The following MME variants were observed in gnomAD, a reference collection of about 807,000 sequenced individuals.
The protein encoded by MME is neprilysin.
MME carries 98 observed loss-of-function variants against 113.2 expected under a neutral mutation model. The ratio of observed to expected loss-of-function variants is 0.87; its 90% CI spans 0.74 to 1.02. The LOEUF is 1.02. MME is among the 50% of genes least tolerant of loss of function. MME has a pLI of 0.00. For missense variants in MME, 836 were observed against 896.0 expected, an observed-to-expected ratio of 0.93 and a Z score of 0.86; for synonymous variants, 292 against 300.6, an observed-to-expected ratio of 0.97 and a Z score of 0.30.
chr3:155,042,932 AT>A lies in MME; in HGVS notation c.-11+18609del, dbSNP rs1406603441. 3.0e-4 allele frequency among the ~76,000 whole-genome samples: 19 copies of A among 63,420 alleles called. 1 individual carries two copies. Among genetic ancestry groups the A allele is most frequent in the African/African-American group, 4.5e-4 (5 of 11,028 alleles). The allele number at this position is 63,420 out of a possible 152,430, so 41.6% of individuals were successfully genotyped here. On this transcript the variant is annotated intron_variant, in intron 1 of 22. Transcript: ENST00000492661. ...TATATATATATATATATATATATAT[AT>A]ATATATGTATATATATATATATATA...
rs1718673454 is a variant in MME at position 155,116,952 on chromosome 3, C to A, written c.620C>A (p.Thr207Asn). ...GTCCTTATTAATTTGTTTGTTGGCA[C>A]TGATGATAAGAATTCTGTGAATCAT... is the stretch of plus-strand genomic sequence containing the variant. ...KKVLINLFVGTDDKNSVNHVI... is the reference protein window; with the variant it reads ...KKVLINLFVGNDDKNSVNHVI... Residue 207 changes from threonine (T) to asparagine (N), a missense_variant, in exon 7 of 23, where the codon ACT (threonine) becomes AAT (asparagine). By Grantham distance (65) the Thr-to-Asn change is moderately conservative. Transcript: ENST00000360490. 6.2e-7 allele frequency: 1 copy of A among 1,602,282 alleles called. No homozygotes were observed.
chr3:155,057,416 A>T (rs1462779636), intron 1 of MME, among the ~76,000 whole-genome samples: 1 of 152,178 alleles, frequency 6.6e-6, no homozygotes, highest in East Asian at 1.9e-4. Flanking sequence ...CACACCAGTT[A>T]GAATGGCAAT....
chr3:155,029,892 A>T lies in MME; in HGVS notation c.-11+5568A>T, dbSNP rs1408751484. Among the ~76,000 whole-genome samples the T allele has an allele frequency of 3.3e-5, 5 of 152,334 alleles. No individual in the cohort carries two copies. The East Asian group carries it at 9.6e-4, about 29-fold the overall frequency. ...TTTGATAGTGAAATATCACATACTC[A>T]TGACACATATAAATATATAGACATA... On this transcript the variant is annotated intron_variant, in intron 1 of 22. Transcript: ENST00000492661.
intron 3 of MME, among the ~76,000 whole-genome samples, chr3:155,104,431 A>G (rs1160756721): frequency 6.6e-6 from 1 of 152,240 alleles, no homozygotes; most frequent in African/African-American, 2.4e-5. Context: ...AGTGCTCTCT[A>G]GAAAAGAGCC....
At chr3:155,159,230 TG>T (rs1722535334) in intron 16 of MME, among the ~76,000 whole-genome samples, 1 of 152,046 alleles carries the variant, frequency 6.6e-6, no homozygotes, top group African/African-American at 2.4e-5. Context: ...ACAGCTCACC[TG>T]GCAGAGCAGG....
At chr3:155,167,084 A>AT in intron 18 of MME, 63 bp downstream of exon 18, 1 of 1,562,190 alleles carries the variant, frequency 6.4e-7, no homozygotes. Context: ...ATTAAGAGTT[A>AT]TTATAATTTA....
intron 8 of MME, among the ~76,000 whole-genome samples, chr3:155,121,398 T>C (rs1161206538): frequency 6.6e-6 from 1 of 151,484 alleles, no homozygotes; most frequent in African/African-American, 2.4e-5. Flanking sequence ...CCTAATTGGA[T>C]ACCCTTTATT....
chr3:155,033,357 T>C (rs1437683180), intron 1 of MME, among the ~76,000 whole-genome samples: 1 of 152,178 alleles, frequency 6.6e-6, no homozygotes, highest in Non-Finnish European at 1.5e-5. Flanking sequence ...GAATAGACAA[T>C]ATTGCCCACC....
chr3:155,132,002 A>T (rs1720183134), intron 8 of MME, among the ~76,000 whole-genome samples: 1 of 152,072 alleles, frequency 6.6e-6, no homozygotes, highest in African/African-American at 2.4e-5. Context: ...CAATTCTGTG[A>T]CTCCTCAGTC....
intron 8 of MME, among the ~76,000 whole-genome samples, chr3:155,130,585 G>A (rs1042569257): frequency 1.3e-5 from 2 of 152,152 alleles, no homozygotes; most frequent in African/African-American, 4.8e-5. Context: ...ACTGAAGCCA[G>A]AAAGCGATGA....
chr3:155,030,517 A>C (rs1300535454), intron 1 of MME, among the ~76,000 whole-genome samples: 1 of 151,758 alleles, frequency 6.6e-6, no homozygotes, highest in Admixed American at 6.6e-5. Flanking sequence ...ATAGCTCCGA[A>C]AAGAAACAAG....
At chr3:155,133,662 C>CTATATATGTATGGTATATA (rs1266037292) in intron 8 of MME, among the ~76,000 whole-genome samples, 168 of 25,678 alleles carry the variant, frequency 6.5e-3, no homozygotes, top group Non-Finnish European at 0.011. Flanking sequence ...TATACACACA[C>CTATATATGTATGGTATATA]CATATATATA....
intron 3 of MME, among the ~76,000 whole-genome samples, chr3:155,101,091 C>A (rs1717166085): frequency 6.6e-6 from 1 of 152,116 alleles, no homozygotes; most frequent in South Asian, 2.1e-4. Context: ...CCCCCACCCA[C>A]TCTCTTCCTC....
At chr3:155,157,731 T>C (rs1722421404) in intron 16 of MME, among the ~76,000 whole-genome samples, 1 of 152,154 alleles carries the variant, frequency 6.6e-6, no homozygotes, top group Admixed American at 6.6e-5. Context: ...CTTTTGGTAA[T>C]TCCCAGACTG....
intron 17 of MME, among the ~76,000 whole-genome samples, chr3:155,162,042 T>C (rs1722756249): frequency 6.6e-6 from 1 of 152,192 alleles, no homozygotes; most frequent in African/African-American, 2.4e-5. Flanking sequence ...TAACTTTCAA[T>C]GGAATCCCAA....
At chr3:155,147,071 T>A (rs537339553) in intron 14 of MME, 73 bp from the exon 15 acceptor site, 235 of 953,422 alleles carry the variant, frequency 2.5e-4, no homozygotes, top group Non-Finnish European at 5.2e-5. Context: ...CAATTGCTAG[T>A]CATGGGCAGA....
At chr3:155,095,986 A>T (rs1716705049) in intron 3 of MME, among the ~76,000 whole-genome samples, 1 of 152,122 alleles carries the variant, frequency 6.6e-6, no homozygotes, top group Non-Finnish European at 1.5e-5. Context: ...GGATAATTGA[A>T]TTGCCCAACC....
At chr3:155,034,747 C>T (rs1430147006) in intron 1 of MME, among the ~76,000 whole-genome samples, 1 of 152,154 alleles carries the variant, frequency 6.6e-6, no homozygotes, top group Non-Finnish European at 1.5e-5. Flanking sequence ...CCTAACAAAA[C>T]TGGAAGAAGT....
rs1254522989 is a variant in MME at position 155,116,920 on chromosome 3, G to GA, written c.594dup (p.Val199SerfsTer4). The GA allele has an allele frequency of 6.2e-7, 1 of 1,612,408 alleles. No individual in the cohort carries two copies. Among genetic ancestry groups the GA allele is most frequent in the Non-Finnish European group, 8.5e-7 (1 of 1,178,878 alleles). On this transcript the variant is annotated frameshift_variant, in exon 7 of 23. Transcript: ENST00000360490. LOFTEE classifies it high-confidence loss of function. ...TTGCACAACTGAATTCTAAATATGG[G>GA]AAAAAAGTCCTTATTAATTTGTTTG...
Sources: allele counts gnomAD v4.1 joint callset (sites outside exome capture counted in the v4.1 genomes callset), GRCh38; gene constraint gnomAD v4.1.1; transcripts MANE v1.5; gene names NCBI Gene and HGNC (gene_info 2026-07-23, HGNC 2026-07-21).